Variants in SNRPB observed in about 807,000 individuals in gnomAD.
The protein encoded by SNRPB is small nuclear ribonucleoprotein polypeptides B and B1.
A neutral mutation model predicts 26.6 loss-of-function variants in SNRPB; 5 were observed. The observed-to-expected ratio is 0.19, with a 90% CI of 0.10 to 0.39. SNRPB has a LOEUF of 0.39. Ranked by LOEUF, SNRPB falls within the 10% of genes least tolerant of loss-of-function variation. The pLI, the probability that SNRPB is intolerant of heterozygous loss-of-function variation, is 1.00. For missense variants in SNRPB, 211 were observed against 311.9 expected, an observed-to-expected ratio of 0.68 and a Z score of 2.44; for synonymous variants, 122 against 105.8, an observed-to-expected ratio of 1.15 and a Z score of -0.94.
rs771983255 is a variant in SNRPB, at chr20:2,462,714, T to C, written c.607A>G (p.Met203Val). Residue 203 changes from methionine to valine, a missense_variant, in exon 6 of 7, where the codon ATG becomes GTG. Met to Val is a conservative substitution (Grantham distance 21). Coordinates refer to ENST00000381342, the MANE Select transcript of SNRPB (RefSeq NM_003091.4). Reference protein sequence around the residue: ...PGMRPPMGPPMGIPPGRGTPM... With the variant: ...PGMRPPMGPPVGIPPGRGTPM... The stretch of plus-strand genomic sequence containing the variant: ...GTCCCTCTTCCAGGGGGGATCCCCA[T>C]TGGGGGACCCATAGGAGGTCTCATA... 85 of 1,584,748 alleles carry C rather than the reference T, an allele frequency of 5.4e-5. No homozygotes were observed. Among genetic ancestry groups the C allele is most frequent in the South Asian group, 1.7e-4 (15 of 89,092 alleles).
intron 6 of SNRPB, 96 bp downstream of exon 6, chr20:2,462,540 A>G (rs896805117): frequency 9.2e-7 from 1 of 1,085,804 alleles, no homozygotes; most frequent in African/African-American, 1.5e-5. Context: ...AAGGCTTGAA[A>G]GCCCATGGGA....
chr20:2,470,447 G>C (rs1051990934), intron 1 of SNRPB, among the ~76,000 whole-genome samples: 6 of 152,220 alleles, frequency 3.9e-5, no homozygotes, highest in Non-Finnish European at 8.8e-5. Flanking sequence ...GAGAGCCGCG[G>C]TTCTACCCTC....
At chr20:2,464,170 A>G (rs188786430) in intron 3 of SNRPB, among the ~76,000 whole-genome samples, 1 of 152,292 alleles carries the variant, frequency 6.6e-6, no homozygotes, top group Non-Finnish European at 1.5e-5. Context: ...TTAAACCAAG[A>G]GCAAAGGGCC....
chr20:2,465,809 A>T lies in SNRPB; in HGVS notation c.166T>A (p.Ser56Thr), dbSNP rs1305013148. The change falls in exon 3 of 7, where the codon TCC becomes ACC. Residue 56 changes from serine (S) to threonine (T), a missense_variant. Coordinates refer to ENST00000381342, the MANE Select transcript of SNRPB (RefSeq NM_003091.4). ...DEFRKIKPKN[S>T]KQAEREEKRV... Reference sequence around the variant, plus strand: ...TTCTCTTCCCTTTCTGCTTGTTTGGAGTTCTTTGGCCTAAAGAGAGGTTTA... The same window carrying T: ...TTCTCTTCCCTTTCTGCTTGTTTGGTGTTCTTTGGCCTAAAGAGAGGTTTA... The T allele has an allele frequency of 1.5e-5, 25 of 1,613,296 alleles. No homozygotes were observed. The East Asian group carries it at 5.4e-4, about 35-fold the overall frequency.
rs117885142 is a variant in SNRPB at position 2,464,755 on chromosome 20, C to T, written c.268-856G>A. Among the ~76,000 whole-genome samples the T allele has an allele frequency of 9.4e-3, 1,427 of 152,042 alleles. 11 individuals carry two copies. Among genetic ancestry groups the T allele is most frequent in the Non-Finnish European group, 0.015 (1,028 of 67,970 alleles). On this transcript the variant is annotated intron_variant, in intron 3 of 6. Coordinates refer to ENST00000381342, the MANE Select transcript of SNRPB (RefSeq NM_003091.4). The stretch of plus-strand genomic sequence containing the variant: ...CGTGGTGGCTCACATCTGTAATCCC[C>T]GCTACTCGGGAGGCTGAGGCAGGAG...
At chr20:2,465,931 A>G in intron 2 of SNRPB, 112 bp from the exon 3 acceptor site, 6 of 749,370 alleles carry the variant, frequency 8.0e-6, no homozygotes, top group Non-Finnish European at 1.4e-5. Flanking sequence ...CAGTACACAA[A>G]CTTTCCCAAG....
intron 2 of SNRPB, among the ~76,000 whole-genome samples, chr20:2,466,394 A>C (rs1164145699): frequency 1.3e-5 from 2 of 152,232 alleles, no homozygotes; most frequent in African/African-American, 4.8e-5. Flanking sequence ...AGAAACCCCC[A>C]AAAAGCAACA....
At chr20:2,464,107 A>G (rs1463371356) in intron 3 of SNRPB, among the ~76,000 whole-genome samples, 1 of 152,234 alleles carries the variant, frequency 6.6e-6, no homozygotes, top group Non-Finnish European at 1.5e-5. Context: ...ACTTAAGAGT[A>G]AGTCTAGAGA....
chr20:2,464,364 T>A (rs183881321), intron 3 of SNRPB, among the ~76,000 whole-genome samples: 1 of 152,264 alleles, frequency 6.6e-6, no homozygotes, highest in Non-Finnish European at 1.5e-5. Context: ...TGATGGGTTA[T>A]GTTAGACCAG....
intron 1 of SNRPB, among the ~76,000 whole-genome samples, chr20:2,470,441 G>A (rs1234873112): frequency 3.3e-5 from 5 of 152,250 alleles, no homozygotes; most frequent in Admixed American, 6.5e-5. Context: ...GGTGTCGAGA[G>A]CCGCGGTTCT....
rs199964447 is a variant in SNRPB at position 2,461,833 on chromosome 20, C to A, written c.*96G>T. On this transcript the variant is annotated 3_prime_UTR_variant, in exon 7 of 7. Transcript: ENST00000381342. ...AGACAATCCCATGAGACTCCACGAA[C>A]AACAGCATAAGAAACAAACAGGTCT... The A allele has an allele frequency of 7.2e-5, 117 of 1,613,922 alleles. 1 individual carries two copies. The highest frequency in any genetic ancestry group is 3.3e-4 in the Middle Eastern group (2 of 6,058).
At chr20:2,465,280 T>C (rs980479750) in intron 3 of SNRPB, among the ~76,000 whole-genome samples, 9 of 152,328 alleles carry the variant, frequency 5.9e-5, no homozygotes, top group African/African-American at 2.2e-4. Context: ...CTTCAGGTGC[T>C]TCCTCCACTG....
chr20:2,464,848 G>A (rs1466643113), intron 3 of SNRPB, among the ~76,000 whole-genome samples: 7 of 147,060 alleles, frequency 4.8e-5, no homozygotes, highest in East Asian at 3.9e-4. Context: ...CCAGCCTGGC[G>A]ACAGAGCGAG....
intron 3 of SNRPB, 113 bp downstream of exon 3, chr20:2,465,594 AG>A: frequency 1.4e-6 from 1 of 714,010 alleles, no homozygotes; most frequent in Non-Finnish European, 2.4e-6. Flanking sequence ...TATCTGAAAA[AG>A]GGGGCAAAAT....
At chr20:2,466,069 G>A (rs2085071208) in intron 2 of SNRPB, among the ~76,000 whole-genome samples, 1 of 151,996 alleles carries the variant, frequency 6.6e-6, no homozygotes, top group Non-Finnish European at 1.5e-5. Flanking sequence ...GCCCAGCCCG[G>A]GCCCAAATGC....
In SNRPB at chr20:2,463,446, A is replaced by ATG. The variant is rs2085049860; in HGVS notation, c.421-220_421-219insCA. 6.6e-6 allele frequency among the ~76,000 whole-genome samples: 1 copy of ATG among 152,242 alleles called. No homozygotes were observed. Among genetic ancestry groups the ATG allele is most frequent in the Non-Finnish European group, 1.5e-5 (1 of 68,044 alleles). The stretch of plus-strand genomic sequence containing the variant: ...CTAGACCTGAATGTAAGCATGTCCA[A>ATG]TCCAAGTGAGAGAAGGCAACTGCAT... On this transcript the variant is annotated intron_variant, in intron 4 of 6. Coordinates refer to ENST00000381342, the MANE Select transcript of SNRPB (RefSeq NM_003091.4). The surrounding 1 kb of genome is among the most constrained non-coding windows in gnomAD (Gnocchi z 5.0).
intron 2 of SNRPB, 190 bp downstream of exon 2, chr20:2,467,412 GCTAGA>G: frequency 1.5e-6 from 1 of 651,800 alleles, no homozygotes; most frequent in Non-Finnish European, 2.7e-6. Context: ...CTTGTACTTT[GCTAGA>G]CTAGAGAGCA....
Position 2,463,337 on chromosome 20 carries a change from T to A in SNRPB, c.421-110A>T. 2.4e-6 allele frequency: 2 copies of A among 821,000 alleles called. No individual in the cohort carries two copies. Among genetic ancestry groups the A allele is most frequent in the Admixed American group, 2.0e-5 (1 of 50,766 alleles). 50.9% of individuals were successfully genotyped at this position (821,000 alleles called of 1,614,324 possible). On this transcript the variant is annotated intron_variant, in intron 4 of 6. Coordinates refer to ENST00000381342, the MANE Select transcript of SNRPB (RefSeq NM_003091.4). This position sits in a 1 kb window ranked among gnomAD's most constrained non-coding sequence, Gnocchi z 5.0. The stretch of plus-strand genomic sequence containing the variant: ...GGGAAATAACAGACACCAAATCCCT[T>A]AATGCTACAACTCTCAGCACCAGAC...
chr20:2,469,818 C>T (rs936903545), intron 1 of SNRPB, among the ~76,000 whole-genome samples: 3 of 152,216 alleles, frequency 2.0e-5, no homozygotes, highest in Non-Finnish European at 4.4e-5. Flanking sequence ...TCCCTTCTTT[C>T]TTCCTTTCTC....
Sources: allele counts gnomAD v4.1 joint callset (sites outside exome capture counted in the v4.1 genomes callset), GRCh38; gene constraint gnomAD v4.1.1; non-coding constraint Gnocchi (gnomAD v3.1); transcripts MANE v1.5; gene names NCBI Gene and HGNC (gene_info 2026-07-23, HGNC 2026-07-21).